The following FBXL20 variants were observed in gnomAD, a reference collection of about 807,000 sequenced individuals.
FBXL20 encodes the protein F-box/LRR-repeat protein 20.
FBXL20 carries 11 observed loss-of-function variants against 64.0 expected under a neutral mutation model. The ratio of observed to expected loss-of-function variants is 0.17; its 90% CI spans 0.11 to 0.28. The LOEUF is 0.28. FBXL20 is among the 10% of genes least tolerant of loss of function. The pLI, the probability that FBXL20 is intolerant of heterozygous loss-of-function variation, is 1.00. For synonymous variants in FBXL20, 184 were observed against 189.0 expected, an observed-to-expected ratio of 0.97 and a Z score of 0.22; for missense variants, 303 against 526.2, an observed-to-expected ratio of 0.58 and a Z score of 4.15.
At chr17:39,292,580 C>G (rs2047049225) in intron 6 of FBXL20, among the ~76,000 whole-genome samples, 1 of 151,738 alleles carries the variant, frequency 6.6e-6, no homozygotes, top group Admixed American at 6.6e-5. Context: ...TTTTTAAACT[C>G]CTTATTGTTC....
At chr17:39,401,727 G>A, upstream of FBXL20, 3 of 1,113,980 alleles carry the variant, frequency 2.7e-6, no homozygotes, top group Non-Finnish European at 3.3e-6. Context: ...CCCGGGAGGG[G>A]GAGGGGCGGG....
intron 1 of FBXL20, among the ~76,000 whole-genome samples, chr17:39,357,881 TTC>T (rs889090888): frequency 1.3e-5 from 2 of 152,234 alleles, no homozygotes; most frequent in African/African-American, 4.8e-5. Context: ...TGCTAACAAA[TTC>T]TCTCAGTATT....
intron 1 of FBXL20, among the ~76,000 whole-genome samples, chr17:39,375,719 A>G (rs1216954607): frequency 4.6e-5 from 7 of 152,324 alleles, no homozygotes; most frequent in African/African-American, 1.7e-4. Flanking sequence ...AAGTCTTGCA[A>G]TAACCCAAGG....
rs28671529 is a variant in FBXL20, at chr17:39,397,838, C to T, written c.42+3523G>A. Among the ~76,000 whole-genome samples, 486 of 150,010 alleles carry T rather than the reference C, an allele frequency of 3.2e-3. 2 individuals carry two copies. The highest frequency in any genetic ancestry group is 0.012 in the African/African-American group (469 of 40,422). On this transcript the variant is annotated intron_variant, in intron 1 of 14. Coordinates refer to ENST00000264658, the MANE Select transcript of FBXL20 (RefSeq NM_032875.3). The stretch of plus-strand genomic sequence containing the variant: ...TTGCTAGTCATGCTAAAAAAAAAAG[C>T]AGGATGACAGTGGAGTCAAAAAAAA...
intron 1 of FBXL20, among the ~76,000 whole-genome samples, chr17:39,381,409 G>A (rs1039834912): frequency 2.6e-5 from 4 of 151,014 alleles, no homozygotes; most frequent in Non-Finnish European, 5.9e-5. Flanking sequence ...GAGCCCAAGA[G>A]GCAGAGGTTG....
At chr17:39,282,651 A>C (rs2046958088) in intron 8 of FBXL20, 78 bp downstream of exon 8, 1 of 1,581,824 alleles carries the variant, frequency 6.3e-7, no homozygotes. Context: ...CCAGACAAAC[A>C]TCTTGGGGCT....
intron 6 of FBXL20, among the ~76,000 whole-genome samples, chr17:39,289,620 G>T (rs1399330355): frequency 1.3e-5 from 2 of 151,838 alleles, no homozygotes; most frequent in African/African-American, 4.8e-5. Flanking sequence ...CTGCATTCCA[G>T]CCTGGACGAC....
chr17:39,306,971 C>T (rs1470339672), intron 2 of FBXL20, among the ~76,000 whole-genome samples: 1 of 152,128 alleles, frequency 6.6e-6, no homozygotes, highest in Non-Finnish European at 1.5e-5. Context: ...AATAAAAGCC[C>T]AGAGACCAAT....
At chr17:39,365,252 T>C (rs2047848297) in intron 1 of FBXL20, among the ~76,000 whole-genome samples, 1 of 152,250 alleles carries the variant, frequency 6.6e-6, no homozygotes, top group African/African-American at 2.4e-5. Flanking sequence ...CAACACCAGA[T>C]GTTTTTTCCA....
intron 2 of FBXL20, among the ~76,000 whole-genome samples, chr17:39,336,037 G>A (rs751788058): frequency 2.0e-5 from 3 of 151,318 alleles, no homozygotes; most frequent in South Asian, 4.2e-4. Context: ...AGGATCAATC[G>A]TTTAGGCCCA....
intron 14 of FBXL20, among the ~76,000 whole-genome samples, chr17:39,262,840 T>C (rs895102989): frequency 1.3e-5 from 2 of 150,988 alleles, no homozygotes. Flanking sequence ...CTACTAAAAA[T>C]ACAAAAAGAA....
chr17:39,353,548 C>G (rs945272190), intron 1 of FBXL20, among the ~76,000 whole-genome samples: 2 of 151,994 alleles, frequency 1.3e-5, no homozygotes, highest in Non-Finnish European at 2.9e-5. Flanking sequence ...TTTTAGGCTT[C>G]CACCAGGGGT....
intron 1 of FBXL20, among the ~76,000 whole-genome samples, chr17:39,395,582 C>T (rs1309969670): frequency 6.6e-6 from 1 of 152,176 alleles, no homozygotes; most frequent in Non-Finnish European, 1.5e-5. Flanking sequence ...AAACCAGTTG[C>T]TAGAGTGTTA....
chr17:39,377,553 T>C (rs567040629), intron 1 of FBXL20, among the ~76,000 whole-genome samples: 132 of 150,836 alleles, frequency 8.8e-4, no homozygotes, highest in Non-Finnish European at 1.7e-3. Context: ...CAGGCTGGAG[T>C]GCAGTGGCGC....
rs139038522 is a variant in FBXL20, at chr17:39,364,829, C to T, written c.43-21588G>A. Among the ~76,000 whole-genome samples, 153 of 152,246 alleles carry T rather than the reference C, an allele frequency of 1.0e-3. 1 individual carries two copies. The highest frequency in any genetic ancestry group is 3.3e-3 in the African/African-American group (139 of 41,542). On this transcript the variant is annotated intron_variant, in intron 1 of 14. Coordinates refer to ENST00000264658, the MANE Select transcript of FBXL20 (RefSeq NM_032875.3). ...AGTATAAGTGAGGCCATCTTAGACA[C>T]GTAAGCCCCACTCAAGTCACCAAAT... is the stretch of plus-strand genomic sequence containing the variant.
At chr17:39,262,814 C>T (rs1422917385) in intron 14 of FBXL20, among the ~76,000 whole-genome samples, 1 of 151,444 alleles carries the variant, frequency 6.6e-6, no homozygotes, top group East Asian at 2.0e-4. Context: ...CTGGCTAACA[C>T]GGTGAAACTC....
In FBXL20 at chr17:39,256,629, A is replaced by G. The variant is rs962245413; in HGVS notation, c.*4831T>C. The G allele has an allele frequency of 6.6e-6, 1 of 152,238 alleles. No individual in the cohort carries two copies. The highest frequency in any genetic ancestry group is 2.4e-5 in the African/African-American group (1 of 41,456). The allele number at this position is 152,238 out of a possible 1,614,324, so 9.4% of individuals were successfully genotyped here. A position where few individuals can be genotyped will look rare whatever the true frequency, so the allele number is the denominator to read the frequency against. On this transcript the variant is annotated 3_prime_UTR_variant, in exon 15 of 15. Transcript: ENST00000264658. The stretch of plus-strand genomic sequence containing the variant: ...AGTCTGTCAGCCAGGAGATACAACC[A>G]GGATAAAAGCCTACCCTTAAATCAT...
intron 2 of FBXL20, among the ~76,000 whole-genome samples, chr17:39,313,160 G>A (rs1477956996): frequency 6.6e-6 from 1 of 151,422 alleles, no homozygotes; most frequent in South Asian, 2.1e-4. Flanking sequence ...CTCATGATCC[G>A]CCTGCCTTGG....
chr17:39,354,847 T>C (rs546824639), intron 1 of FBXL20, among the ~76,000 whole-genome samples: 9 of 152,310 alleles, frequency 5.9e-5, no homozygotes, highest in Admixed American at 2.6e-4. Context: ...ATTAAAATAG[T>C]TGAAAAAACA....
Sources: allele counts gnomAD v4.1 joint callset (sites outside exome capture counted in the v4.1 genomes callset), GRCh38; gene constraint gnomAD v4.1.1; transcripts MANE v1.5; gene names NCBI Gene and HGNC (gene_info 2026-07-23, HGNC 2026-07-21).